The following ZFYVE1 variants were observed in gnomAD, a reference collection of about 807,000 sequenced individuals.
ZFYVE1 encodes the protein zinc finger FYVE-type containing 1.
ZFYVE1 carries 30 observed loss-of-function variants against 74.4 expected under a neutral mutation model. The observed-to-expected ratio is 0.40, with a 90% CI of 0.30 to 0.55. The LOEUF (loss-of-function observed/expected upper bound fraction) is 0.55, where lower values mean the gene tolerates loss of function less well. Among genes scored for constraint, ZFYVE1 ranks in the 20% least tolerant of loss-of-function variants. ZFYVE1 has a pLI of 0.42. For missense variants in ZFYVE1, 703 were observed against 1,011.6 expected (o/e 0.69, Z 4.14); for synonymous variants, 335 against 385.1 (o/e 0.87, Z 1.52).
At chr14:72,982,156 C>A (rs1290441177) in intron 4 of ZFYVE1, among the ~76,000 whole-genome samples, 1 of 152,200 alleles carries the variant, frequency 6.6e-6, no homozygotes, top group South Asian at 2.1e-4. Context: ...AAACACCTCA[C>A]ACCACTCAGT....
chr14:73,021,422 G>A (rs933507931), intron 2 of ZFYVE1, among the ~76,000 whole-genome samples: 7 of 152,068 alleles, frequency 4.6e-5, no homozygotes. Flanking sequence ...ACACCAATCC[G>A]TAAGTATTTA....
chr14:72,977,078 A>T (rs1446310729), intron 8 of ZFYVE1, among the ~76,000 whole-genome samples: 1 of 152,192 alleles, frequency 6.6e-6, no homozygotes, highest in Admixed American at 6.5e-5. Context: ...TCACAAACAG[A>T]TTTGTATTTC....
chr14:72,979,387 G>C (rs1396153382), intron 5 of ZFYVE1, among the ~76,000 whole-genome samples: 1 of 151,894 alleles, frequency 6.6e-6, no homozygotes, highest in Non-Finnish European at 1.5e-5. Context: ...ATAGTCCCAG[G>C]TACTCGGGAG....
intron 4 of ZFYVE1, among the ~76,000 whole-genome samples, chr14:72,992,209 G>A (rs751772756): frequency 4.6e-5 from 7 of 152,008 alleles, no homozygotes; most frequent in Non-Finnish European, 1.0e-4. Context: ...ACGCCTGGCT[G>A]TAAATCTCCC....
rs529482513 is a variant in ZFYVE1 at position 73,019,392 on chromosome 14, G to A, written c.483+4634C>T. ...AGCCCAGGAATTCAACGCCAGCCTG[G>A]GCAACACAGCAAGACCCCATCTAAA... On this transcript the variant is annotated intron_variant, in intron 2 of 11. Transcript: ENST00000556143. 8.1e-5 allele frequency among the ~76,000 whole-genome samples: 12 copies of A among 149,022 alleles called. No individual in the cohort carries two copies. In the South Asian group the frequency reaches 2.4e-3, roughly 30 times the overall value.
chr14:73,026,550 T>G (rs1208382715), intron 1 of ZFYVE1, among the ~76,000 whole-genome samples: 2 of 151,878 alleles, frequency 1.3e-5, no homozygotes, highest in African/African-American at 2.4e-5. Flanking sequence ...TTGTCACAAT[T>G]GAGAAAAATA....
At position 72,975,388 on chromosome 14, in the gene ZFYVE1, C is replaced by T. The variant is rs1893141735; in HGVS notation, c.1806+163G>A. On this transcript the variant is annotated intron_variant, in intron 9 of 11. Transcript: ENST00000556143. This position sits in a 1 kb window ranked among gnomAD's most constrained non-coding sequence, Gnocchi z 4.1. ...AGGGAAATCAATGGGCAAAGAGAAA[C>T]TGGCTGCCTCAACGACTCCTCCCCT... Among the ~76,000 whole-genome samples the T allele has an allele frequency of 6.6e-6, 1 of 152,188 alleles. No individual in the cohort carries two copies. Among genetic ancestry groups the T allele is most frequent in the African/African-American group, 2.4e-5 (1 of 41,448 alleles).
Position 72,974,939 on chromosome 14 carries a change from C to T in ZFYVE1, c.1827G>A (p.Thr609=), listed in dbSNP as rs751442684. 5.0e-5 allele frequency: 81 copies of T among 1,611,900 alleles called. No individual in the cohort carries two copies. The highest frequency in any genetic ancestry group is 8.8e-5 in the South Asian group (8 of 91,026). The change falls in exon 10 of 12, where the codon ACG becomes ACA. Residue 609 remains threonine, a synonymous_variant. Coordinates refer to ENST00000556143, the MANE Select transcript of ZFYVE1 (RefSeq NM_021260.4). ...SQILSCNKCA[T]SFKDNDTKHH... is the part of the protein sequence containing the mutation. Reference sequence around the variant, plus strand: ...GCTTAGTGTCGTTATCTTTAAAGGACGTCGCACACTTGTTGCAGCTCTGTT... The same window carrying T: ...GCTTAGTGTCGTTATCTTTAAAGGATGTCGCACACTTGTTGCAGCTCTGTT...
rs1893145606 is a variant in ZFYVE1 at position 72,975,529 on chromosome 14, G to A, written c.1806+22C>T. Reference sequence around the variant, plus strand: ...TAGGATGGGCTGTGCCAGGAGTGGAGGGGCATCCTGGCACACCATACCAGA... The same window carrying A: ...TAGGATGGGCTGTGCCAGGAGTGGAAGGGCATCCTGGCACACCATACCAGA... On this transcript the variant is annotated intron_variant, in intron 9 of 11. Transcript: ENST00000556143. The surrounding 1 kb of genome is among the most constrained non-coding windows in gnomAD (Gnocchi z 4.1). The A allele has an allele frequency of 6.2e-7, 1 of 1,600,170 alleles. No homozygotes were observed. Among genetic ancestry groups the A allele is most frequent in the Non-Finnish European group, 8.5e-7 (1 of 1,172,712 alleles).
rs979837381 is a variant in ZFYVE1 at position 73,025,126 on chromosome 14, T to G, written c.-434-184A>C. Among the ~76,000 whole-genome samples the G allele has an allele frequency of 2.0e-5, 3 of 151,116 alleles. No homozygotes were observed. The Admixed American group carries it at 2.0e-4, about 10-fold the overall frequency. On this transcript the variant is annotated intron_variant, in intron 1 of 11. Coordinates refer to ENST00000556143, the MANE Select transcript of ZFYVE1 (RefSeq NM_021260.4). Reference sequence around the variant, plus strand: ...TCTTGCTGCCCAAGCTGGAGTGCAATGGGACAGTCTCGGCTCACTGCAACC... The same window carrying G: ...TCTTGCTGCCCAAGCTGGAGTGCAAGGGGACAGTCTCGGCTCACTGCAACC...
chr14:72,979,044 G>T, intron 5 of ZFYVE1, 75 bp from the exon 6 acceptor site: 1 of 1,338,392 alleles, frequency 7.5e-7, no homozygotes, highest in Non-Finnish European at 1.1e-6. Flanking sequence ...GCCTGACCCT[G>T]AGCCAGGCAC....
intron 2 of ZFYVE1, among the ~76,000 whole-genome samples, chr14:73,004,519 G>A (rs1893937599): frequency 6.6e-6 from 1 of 152,008 alleles, no homozygotes; most frequent in Non-Finnish European, 1.5e-5. Flanking sequence ...CCTGCATTTG[G>A]TGATACCACT....
intron 4 of ZFYVE1, among the ~76,000 whole-genome samples, chr14:72,988,143 T>C (rs1411886477): frequency 6.6e-6 from 1 of 151,510 alleles, no homozygotes; most frequent in Admixed American, 6.6e-5. Flanking sequence ...ATCAATCAGG[T>C]GGAACTTCAA....
At chr14:73,009,879 C>T (rs1377295703) in intron 2 of ZFYVE1, among the ~76,000 whole-genome samples, 5 of 151,678 alleles carry the variant, frequency 3.3e-5, no homozygotes, top group Admixed American at 6.6e-5. Context: ...AGGCTGAGAC[C>T]GGAGCACTAC....
chr14:73,008,437 C>T (rs1397354315), intron 2 of ZFYVE1, among the ~76,000 whole-genome samples: 2 of 152,180 alleles, frequency 1.3e-5, no homozygotes, highest in Non-Finnish European at 2.9e-5. Context: ...GGATTACAGG[C>T]GTAAGCCACC....
chr14:72,988,345 T>G (rs1482943765), intron 4 of ZFYVE1, among the ~76,000 whole-genome samples: 1 of 151,828 alleles, frequency 6.6e-6, no homozygotes, highest in African/African-American at 2.4e-5. Flanking sequence ...TGGCTAATTT[T>G]TGTATTTTTC....
chr14:72,975,833 C>T lies in ZFYVE1; in HGVS notation c.1636-112G>A, dbSNP rs572317080. The T allele has an allele frequency of 1.6e-6, 2 of 1,274,856 alleles. No homozygotes were observed. The highest frequency in any genetic ancestry group is 4.7e-5 in the East Asian group (2 of 42,374). The allele number at this position is 1,274,856 out of a possible 1,614,324, so 79.0% of individuals were successfully genotyped here. ...ACCGTGGCCAACTCAGAACCACTAA[C>T]TCCCTGGCAGGGAAGAACGGAGACA... On this transcript the variant is annotated intron_variant, in intron 8 of 11. Coordinates refer to ENST00000556143, the MANE Select transcript of ZFYVE1 (RefSeq NM_021260.4). This position sits in a 1 kb window ranked among gnomAD's most constrained non-coding sequence, Gnocchi z 4.1.
At chr14:72,980,619 G>A (rs1215386188) in intron 5 of ZFYVE1, among the ~76,000 whole-genome samples, 4 of 151,536 alleles carry the variant, frequency 2.6e-5, no homozygotes. Context: ...CCAGGCTGGA[G>A]TGCAGTGGCG....
At chr14:73,010,171 A>G (rs1042519645) in intron 2 of ZFYVE1, among the ~76,000 whole-genome samples, 1 of 152,242 alleles carries the variant, frequency 6.6e-6, no homozygotes, top group Admixed American at 6.5e-5. Context: ...CTTTTGAATT[A>G]AAAAGAAACC....
Sources: gnomAD v4.1 joint callset for allele counts (sites outside exome capture counted in the v4.1 genomes callset) on GRCh38, gnomAD v4.1.1 for gene constraint, Gnocchi (gnomAD v3.1) non-coding constraint, MANE v1.5 for transcripts, NCBI Gene and HGNC (gene_info 2026-07-23, HGNC 2026-07-21) for gene names.